PTPRG: variants seen among roughly 807,000 people sequenced by gnomAD.
PTPRG encodes the protein protein tyrosine phosphatase receptor type G, also known as receptor-type tyrosine-protein phosphatase gamma.
PTPRG carries 102 observed loss-of-function variants against 165.3 expected under a neutral mutation model. The observed-to-expected ratio is 0.62, with a 90% CI of 0.53 to 0.73. The LOEUF is 0.73. Ranked by LOEUF, PTPRG falls within the 30% of genes least tolerant of loss-of-function variation. The probability of loss-of-function intolerance (pLI) is 0.00; values close to 1 mark genes in which losing one functional copy is unlikely to be tolerated. For synonymous variants in PTPRG, 675 were observed against 669.5 expected, an observed-to-expected ratio of 1.01 and a Z score of -0.13; for missense variants, 1,866 against 1,861.4, an observed-to-expected ratio of 1.00 and a Z score of -0.05.
rs201007490 is a variant in PTPRG at position 62,157,052 on chromosome 3, T to G, written c.683-15T>G. The G allele has an allele frequency of 1.3e-6, 2 of 1,576,722 alleles. No homozygotes were observed. The highest frequency in any genetic ancestry group is 1.7e-6 in the Non-Finnish European group (2 of 1,148,224). ...CTTACCATTGTGCTTTTCTTTTCCCTTTTTCCCCAAACAGAGAAGGAGACC... is the reference window on the plus strand; with the variant it reads ...CTTACCATTGTGCTTTTCTTTTCCCGTTTTCCCCAAACAGAGAAGGAGACC... On this transcript the variant is annotated splice_polypyrimidine_tract_variant and intron_variant, in intron 6 of 29. Transcript: ENST00000474889.
intron 2 of PTPRG, among the ~76,000 whole-genome samples, chr3:61,919,496 G>A (rs918152115): frequency 6.6e-6 from 1 of 152,156 alleles, no homozygotes. Context: ...CTCCCTCCAC[G>A]ATGGAGTTTC....
chr3:61,781,182 A>C (rs2034534005), intron 2 of PTPRG, among the ~76,000 whole-genome samples: 1 of 152,182 alleles, frequency 6.6e-6, no homozygotes, highest in Non-Finnish European at 1.5e-5. Context: ...TGGGAAATTT[A>C]ATATTGATTC....
At chr3:62,018,207 G>A (rs2041597803) in intron 4 of PTPRG, among the ~76,000 whole-genome samples, 1 of 152,194 alleles carries the variant, frequency 6.6e-6, no homozygotes, top group Admixed American at 6.5e-5. Flanking sequence ...TAACCCAAAT[G>A]TACATCAGAA....
Position 62,118,275 on chromosome 3 carries a change from C to T in PTPRG, c.616-14327C>T, listed in dbSNP as rs565275657. ...TGATTGTGGTTTTGTAGCACAAAAA[C>T]AGCCACCAACGATATGTAAATGAGT... is the stretch of plus-strand genomic sequence containing the variant. On this transcript the variant is annotated intron_variant, in intron 5 of 29. Coordinates refer to ENST00000474889, the MANE Select transcript of PTPRG (RefSeq NM_002841.4). 5 of 152,336 alleles carry T rather than the reference C, an allele frequency of 3.3e-5. No homozygotes were observed. In the East Asian group the frequency reaches 9.7e-4, roughly 29 times the overall value. The allele number at this position is 152,336 out of a possible 1,614,324, so 9.4% of individuals were successfully genotyped here. A position where few individuals can be genotyped will look rare whatever the true frequency, so the allele number is the denominator to read the frequency against.
chr3:62,128,695 A>T (rs1015755551), intron 5 of PTPRG, among the ~76,000 whole-genome samples: 1 of 149,846 alleles, frequency 6.7e-6, no homozygotes, highest in African/African-American at 2.5e-5. Flanking sequence ...CTGACTCAGA[A>T]TTCCATATTT....
chr3:61,688,580 C>T (rs928956659), intron 1 of PTPRG, among the ~76,000 whole-genome samples: 11 of 152,188 alleles, frequency 7.2e-5, no homozygotes, highest in African/African-American at 2.7e-4. Context: ...TTGGAGCAGG[C>T]AAATCGGGCT....
intron 2 of PTPRG, among the ~76,000 whole-genome samples, chr3:61,825,266 A>G (rs2036073186): frequency 6.6e-6 from 1 of 152,210 alleles, no homozygotes; most frequent in African/African-American, 2.4e-5. Context: ...TGAGCTTACT[A>G]TTCTCCCATG....
intron 1 of PTPRG, among the ~76,000 whole-genome samples, chr3:61,583,976 A>G (rs1175494035): frequency 6.6e-6 from 1 of 152,254 alleles, no homozygotes; most frequent in East Asian, 1.9e-4. Context: ...TGTGTTGAGA[A>G]GGACAGGAAC....
chr3:62,292,275 C>G lies in PTPRG; in HGVS notation c.4056-146C>G, dbSNP rs1702924156. The G allele has an allele frequency of 4.4e-6, 4 of 907,792 alleles. No individual in the cohort carries two copies. In the South Asian group the frequency reaches 7.3e-5, roughly 17 times the overall value. 56.2% of individuals were successfully genotyped at this position (907,792 alleles called of 1,614,324 possible). A position where few individuals can be genotyped will look rare whatever the true frequency, so the allele number is the denominator to read the frequency against. ...TATGCTAGCTTCCAAATCCCTCCCCCACCAGCATTTCATTCAGTCGTGTCT... is the reference window on the plus strand; with the variant it reads ...TATGCTAGCTTCCAAATCCCTCCCCGACCAGCATTTCATTCAGTCGTGTCT... On this transcript the variant is annotated intron_variant, in intron 28 of 29. Coordinates refer to ENST00000474889, the MANE Select transcript of PTPRG (RefSeq NM_002841.4).
At chr3:62,259,625 T>C (rs1006940307) in intron 16 of PTPRG, among the ~76,000 whole-genome samples, 21 of 152,256 alleles carry the variant, frequency 1.4e-4, no homozygotes, top group East Asian at 7.7e-4. Context: ...TCACAGTTTT[T>C]TGAGATTTTG....
intron 2 of PTPRG, among the ~76,000 whole-genome samples, chr3:61,836,807 C>A (rs1460429185): frequency 6.6e-6 from 1 of 152,128 alleles, no homozygotes; most frequent in African/African-American, 2.4e-5. Context: ...TGCAATGGCA[C>A]AATCTCGGCT....
At chr3:61,977,108 C>T (rs2040527532) in intron 2 of PTPRG, among the ~76,000 whole-genome samples, 1 of 152,014 alleles carries the variant, frequency 6.6e-6, no homozygotes, top group Non-Finnish European at 1.5e-5. Flanking sequence ...GATTTTAATA[C>T]CACAGATAGA....
At chr3:61,914,372 C>T (rs979234656) in intron 2 of PTPRG, among the ~76,000 whole-genome samples, 10 of 152,144 alleles carry the variant, frequency 6.6e-5, no homozygotes. Flanking sequence ...CTTTGAATTT[C>T]TGCTCCCTGC....
chr3:61,992,841 A>G (rs1361723679), intron 3 of PTPRG, among the ~76,000 whole-genome samples: 1 of 151,674 alleles, frequency 6.6e-6, no homozygotes, highest in Non-Finnish European at 1.5e-5. Flanking sequence ...TAATTTTTGT[A>G]TTTTTAGTAG....
intron 2 of PTPRG, among the ~76,000 whole-genome samples, chr3:61,777,592 G>C (rs1434324659): frequency 3.3e-5 from 5 of 152,158 alleles, no homozygotes; most frequent in Non-Finnish European, 7.4e-5. Flanking sequence ...AGTGCTGTTA[G>C]GGTTAGCAGG....
intron 1 of PTPRG, among the ~76,000 whole-genome samples, chr3:61,618,939 C>G (rs567581388): frequency 3.8e-5 from 5 of 133,068 alleles, no homozygotes; most frequent in Non-Finnish European, 7.7e-5. Context: ...CCCAGGAGTT[C>G]GAGACCAGCC....
At chr3:62,133,277 G>C (rs541987045) in intron 6 of PTPRG, among the ~76,000 whole-genome samples, 2 of 152,244 alleles carry the variant, frequency 1.3e-5, no homozygotes, top group Admixed American at 1.3e-4. Flanking sequence ...ATGACATCAA[G>C]ATCCTCTAAT....
chr3:61,896,020 ATCT>A (rs368890278), intron 2 of PTPRG, among the ~76,000 whole-genome samples: 159 of 152,268 alleles, frequency 1.0e-3, no homozygotes, highest in African/African-American at 3.4e-3. Context: ...TAGTCCACTG[ATCT>A]TCTTCAGATT....
At position 62,203,452 on chromosome 3, in the gene PTPRG, C is replaced by G. The variant is rs1179141540; in HGVS notation, c.1657C>G (p.Leu553Val). ...SASKQAARPV[L>V]ATTEALASPG... ...CAGCAAGCAGGCGGCTAGGCCAGTC[C>G]TAGCCACCACAGAGGCCTTGGCTTC... The change falls in exon 12 of 30, where the codon CTA (leucine) becomes GTA (valine). Residue 553 changes from leucine (L) to valine (V), a missense_variant. Physicochemically the swap from Leu to Val is conservative, Grantham distance 32. Coordinates refer to ENST00000474889, the MANE Select transcript of PTPRG (RefSeq NM_002841.4). The surrounding 1 kb of genome is among the most constrained non-coding windows in gnomAD (Gnocchi z 6.4). The G allele has an allele frequency of 6.3e-7, 1 of 1,590,334 alleles. No individual in the cohort carries two copies. Among genetic ancestry groups the G allele is most frequent in the Non-Finnish European group, 8.6e-7 (1 of 1,167,930 alleles).
Sources: allele counts gnomAD v4.1 joint callset (sites outside exome capture counted in the v4.1 genomes callset), GRCh38; gene constraint gnomAD v4.1.1; non-coding constraint Gnocchi (gnomAD v3.1); transcripts MANE v1.5; gene names NCBI Gene and HGNC (gene_info 2026-07-23, HGNC 2026-07-21).